Variants in TMEM132B observed in about 807,000 individuals in gnomAD.
The protein encoded by TMEM132B is transmembrane protein 132B.
Under a neutral mutation model 90.8 loss-of-function variants are expected in TMEM132B, and 18 were observed. The ratio of observed to expected loss-of-function variants is 0.20; its 90% CI spans 0.14 to 0.29. TMEM132B has a LOEUF of 0.29. Ranked by LOEUF, TMEM132B falls within the 10% of genes least tolerant of loss-of-function variation. The pLI, the probability that TMEM132B is intolerant of heterozygous loss-of-function variation, is 1.00. For missense variants in TMEM132B, 1,096 were observed against 1,326.8 expected (o/e 0.83, Z 2.70); for synonymous variants, 504 against 523.3 (o/e 0.96, Z 0.50).
Position 125,565,985 on chromosome 12 carries a change from T to C in TMEM132B, c.1294-17866T>C, listed in dbSNP as rs559131114. Among the ~76,000 whole-genome samples, 5 of 152,370 alleles carry C rather than the reference T, an allele frequency of 3.3e-5. No individual in the cohort carries two copies. The East Asian group carries it at 9.6e-4, about 29-fold the overall frequency. Reference sequence around the variant, plus strand: ...TGTTCATATCACAGCCATGAGCCATTGCACCATGTTGTTGGCTCTTCTAGG... The same window carrying C: ...TGTTCATATCACAGCCATGAGCCATCGCACCATGTTGTTGGCTCTTCTAGG... On this transcript the variant is annotated intron_variant, in intron 4 of 8. Transcript: ENST00000682704.
At chr12:125,587,917 G>T (rs1370605549) in intron 5 of TMEM132B, 1 of 152,182 alleles carries the variant, frequency 6.6e-6, no homozygotes, top group Non-Finnish European at 1.5e-5. Flanking sequence ...AGAAATGATT[G>T]AAGGAAGTGT....
chr12:125,349,555 C>T lies in TMEM132B; in HGVS notation c.171C>T (p.Phe57=), dbSNP rs755175444. The T allele has an allele frequency of 6.2e-7, 1 of 1,614,152 alleles. No homozygotes were observed. The highest frequency in any genetic ancestry group is 1.1e-5 in the South Asian group (1 of 91,074). The change falls in exon 2 of 9, where the codon TTC becomes TTT. Residue 57 remains phenylalanine, a synonymous_variant. Transcript: ENST00000682704. The surrounding 1 kb of genome is among the most constrained non-coding windows in gnomAD (Gnocchi z 4.1). The part of the protein sequence containing the change: ...LHISNAEESF[F]LKEANQDLTR... ...TCTCCAATGCAGAGGAGTCCTTTTT[C>T]CTTAAAGAAGCCAACCAAGACCTCA... is the stretch of plus-strand genomic sequence containing the variant.
At chr12:125,230,483 T>C (rs1873792496) in intron 1 of TMEM132B, among the ~76,000 whole-genome samples, 1 of 151,624 alleles carries the variant, frequency 6.6e-6, no homozygotes, top group Non-Finnish European at 1.5e-5. Flanking sequence ...TTTTTTCTCA[T>C]TTTTTTATTT....
intron 1 of TMEM132B, among the ~76,000 whole-genome samples, chr12:125,240,996 C>T (rs373458086): frequency 2.6e-4 from 39 of 152,204 alleles, no homozygotes; most frequent in Non-Finnish European, 3.7e-4. Flanking sequence ...CGGTGGTGGG[C>T]GGGGGTAGGG....
At chr12:125,203,663 T>C (rs1873118200) in intron 1 of TMEM132B, among the ~76,000 whole-genome samples, 1 of 152,230 alleles carries the variant, frequency 6.6e-6, no homozygotes, top group South Asian at 2.1e-4. Flanking sequence ...AAAAATGTTT[T>C]CTCCATAAAG....
chr12:125,332,792 C>T lies in TMEM132B; in HGVS notation c.68-16660C>T, dbSNP rs112952723. ...CTTTGCAACAGCCACTAAGACTGGA[C>T]AATATTAGTTTTTCCTTTCTTTAGT... is the stretch of plus-strand genomic sequence containing the variant. On this transcript the variant is annotated intron_variant, in intron 1 of 8. Coordinates refer to ENST00000682704, the MANE Select transcript of TMEM132B (RefSeq NM_001366854.1). Among the ~76,000 whole-genome samples the T allele has an allele frequency of 3.3e-3, 498 of 152,004 alleles. 4 individuals are homozygous for T. Among genetic ancestry groups the T allele is most frequent in the African/African-American group, 0.011 (474 of 41,488 alleles).
intron 2 of TMEM132B, among the ~76,000 whole-genome samples, chr12:125,360,115 A>G (rs1877913516): frequency 6.6e-6 from 1 of 152,164 alleles, no homozygotes; most frequent in African/African-American, 2.4e-5. Context: ...TGGCCCCCAC[A>G]TCTCTTGCCT....
chr12:125,397,989 T>A (rs1403925174), intron 2 of TMEM132B, among the ~76,000 whole-genome samples: 1 of 152,154 alleles, frequency 6.6e-6, no homozygotes, highest in Non-Finnish European at 1.5e-5. Context: ...ATGTCCCACA[T>A]AGTGACAAGG....
At chr12:125,336,837 G>A (rs1876978205) in intron 1 of TMEM132B, among the ~76,000 whole-genome samples, 1 of 152,204 alleles carries the variant, frequency 6.6e-6, no homozygotes, top group Non-Finnish European at 1.5e-5. Flanking sequence ...CCTTTTGTAA[G>A]CCTCAGCTGC....
intron 4 of TMEM132B, among the ~76,000 whole-genome samples, chr12:125,569,754 A>G (rs1001168494): frequency 3.9e-5 from 6 of 152,088 alleles, no homozygotes; most frequent in Non-Finnish European, 7.4e-5. Flanking sequence ...AGGAAGCTTG[A>G]CCAACCCCCC....
intron 1 of TMEM132B, among the ~76,000 whole-genome samples, chr12:125,262,394 TA>T (rs963922280): frequency 3.8e-4 from 57 of 151,174 alleles, no homozygotes; most frequent in East Asian, 5.8e-4. Flanking sequence ...GGGGCCAACA[TA>T]AAAAAAAATG....
chr12:125,629,043 C>T (rs937664561), intron 5 of TMEM132B, among the ~76,000 whole-genome samples: 1 of 151,988 alleles, frequency 6.6e-6, no homozygotes, highest in Non-Finnish European at 1.5e-5. Context: ...GCTGTCTTGG[C>T]TGCTATAGCT....
In TMEM132B at chr12:125,325,669, C is replaced by CTGTGTGTGTG. The variant is rs59220510; in HGVS notation, c.68-23741_68-23732dup. Reference sequence around the variant, plus strand: ...TTGCATTCTTTCCCTGCCTCCCACCCTGTGTGTGTGTGTGTGTGTGTGTGT... The same window carrying CTGTGTGTGTG: ...TTGCATTCTTTCCCTGCCTCCCACCCTGTGTGTGTGTGTGTGTGTGTGTGTGTGTGTGTGT... On this transcript the variant is annotated intron_variant, in intron 1 of 8. Coordinates refer to ENST00000682704, the MANE Select transcript of TMEM132B (RefSeq NM_001366854.1). Among the ~76,000 whole-genome samples, 7 of 124,398 alleles carry CTGTGTGTGTG rather than the reference C, an allele frequency of 5.6e-5. No homozygotes were observed. The South Asian group carries it at 7.9e-4, about 14-fold the overall frequency. The allele number at this position is 124,398 out of a possible 152,430, so 81.6% of individuals were successfully genotyped here. A position where few individuals can be genotyped will look rare whatever the true frequency, so the allele number is the denominator to read the frequency against.
intron 1 of TMEM132B, among the ~76,000 whole-genome samples, chr12:125,231,494 G>A (rs1873820392): frequency 6.6e-6 from 1 of 152,148 alleles, no homozygotes; most frequent in African/African-American, 2.4e-5. Context: ...GGTCCACACA[G>A]GAGTATTTGA....
intron 1 of TMEM132B, among the ~76,000 whole-genome samples, chr12:125,211,988 G>T (rs764072124): frequency 1.3e-5 from 2 of 152,198 alleles, no homozygotes; most frequent in Non-Finnish European, 2.9e-5. Flanking sequence ...TCATTTGTTG[G>T]TTTGAACAGG....
chr12:125,546,500 A>C (rs1307015139), intron 4 of TMEM132B, among the ~76,000 whole-genome samples: 4 of 152,138 alleles, frequency 2.6e-5, no homozygotes, highest in African/African-American at 9.7e-5. Flanking sequence ...TGTCTTTCTG[A>C]TGCTATTGTT....
At chr12:125,412,146 A>G (rs1200289429) in intron 2 of TMEM132B, among the ~76,000 whole-genome samples, 1 of 152,212 alleles carries the variant, frequency 6.6e-6, no homozygotes, top group East Asian at 1.9e-4. Flanking sequence ...ACCAGAGGCT[A>G]GAAGCCCCAG....
At chr12:125,365,904 TAATA>T (rs1878118501) in intron 2 of TMEM132B, among the ~76,000 whole-genome samples, 1 of 152,090 alleles carries the variant, frequency 6.6e-6, no homozygotes, top group South Asian at 2.1e-4. Context: ...TGGAAATATA[TAATA>T]AATTATTGTT....
rs139813815 is a variant in TMEM132B at position 125,408,750 on chromosome 12, G to C, written c.960-6781G>C. On this transcript the variant is annotated intron_variant, in intron 2 of 8. Transcript: ENST00000682704. The surrounding 1 kb of genome is among the most constrained non-coding windows in gnomAD (Gnocchi z 5.9). ...GCATAAACCGAGGAGTGGCAATGCT[G>C]TTACAGGGTCTACGGAAATTCAGGC... Among the ~76,000 whole-genome samples, 1 of 152,144 alleles carries C rather than the reference G, an allele frequency of 6.6e-6. No individual in the cohort carries two copies. Among genetic ancestry groups the C allele is most frequent in the Non-Finnish European group, 1.5e-5 (1 of 68,026 alleles).
Sources: allele counts gnomAD v4.1 joint callset (sites outside exome capture counted in the v4.1 genomes callset), GRCh38; gene constraint gnomAD v4.1.1; non-coding constraint Gnocchi (gnomAD v3.1); transcripts MANE v1.5; gene names NCBI Gene and HGNC (gene_info 2026-07-23, HGNC 2026-07-21).